Variants in RBMS2 observed in about 807,000 individuals in gnomAD.
RBMS2 encodes the protein RNA-binding motif, single-stranded-interacting protein 2.
RBMS2 carries 38 observed loss-of-function variants against 58.4 expected under a neutral mutation model. The observed-to-expected ratio is 0.65, with a 90% CI of 0.50 to 0.85. The LOEUF (loss-of-function observed/expected upper bound fraction) is 0.85. Ranked by LOEUF, RBMS2 falls within the 40% of genes least tolerant of loss-of-function variation. The probability of loss-of-function intolerance (pLI) is 0.00; values close to 1 mark genes in which losing one functional copy is unlikely to be tolerated. For missense variants in RBMS2, 367 were observed against 503.7 expected, an observed-to-expected ratio of 0.73 and a Z score of 2.60; for synonymous variants, 151 against 180.7, an observed-to-expected ratio of 0.84 and a Z score of 1.32.
chr12:56,552,922 CTTTTTTTTT>C (rs57408592), intron 1 of RBMS2, among the ~76,000 whole-genome samples: 1 of 61,978 alleles, frequency 1.6e-5, no homozygotes, highest in African/African-American at 5.9e-5. Flanking sequence ...ATTAAGAGTC[CTTTTTTTTT>C]TTTTTTTTTT....
intron 10 of RBMS2, 81 bp downstream of exon 10, chr12:56,587,007 T>C: frequency 7.1e-7 from 1 of 1,405,158 alleles, no homozygotes; most frequent in East Asian, 2.3e-5. Context: ...GGCTCACGCC[T>C]GTAATCCCAG....
chr12:56,545,595 C>A (rs979850353), intron 1 of RBMS2, among the ~76,000 whole-genome samples: 2 of 152,176 alleles, frequency 1.3e-5, no homozygotes, highest in Non-Finnish European at 2.9e-5. Context: ...TGCTCCTCTC[C>A]CATTGCCCTA....
intron 1 of RBMS2, 104 bp downstream of exon 1, chr12:56,522,193 T>C: frequency 1.1e-6 from 1 of 883,958 alleles, no homozygotes; most frequent in Non-Finnish European, 1.7e-6. Context: ...GGGCTTCCTC[T>C]CTCAAGATTC....
Position 56,595,026 on chromosome 12 carries a change from C to T in RBMS2, c.*5893C>T, listed in dbSNP as rs2136650064. On this transcript the variant is annotated 3_prime_UTR_variant, in exon 14 of 14. Transcript: ENST00000262031. ...ACTGATCGCCCTAGAATAGTGTGAA[C>T]TCTCCAGATAGGTCCTGCTGTGATA... 6.6e-6 allele frequency: 1 copy of T among 152,340 alleles called. No homozygotes were observed. Among genetic ancestry groups the T allele is most frequent in the African/African-American group, 2.4e-5 (1 of 41,568 alleles). 9.4% of individuals were successfully genotyped at this position (152,340 alleles called of 1,614,324 possible). A position where few individuals can be genotyped will look rare whatever the true frequency, so the allele number is the denominator to read the frequency against.
chr12:56,588,518 G>A, intron 12 of RBMS2, 144 bp downstream of exon 12: 1 of 754,918 alleles, frequency 1.3e-6, no homozygotes, highest in Non-Finnish European at 2.2e-6. Context: ...TAGGAAGGAT[G>A]TGCTCGCTTC....
intron 1 of RBMS2, among the ~76,000 whole-genome samples, chr12:56,547,361 AC>A (rs756247862): frequency 3.3e-5 from 5 of 150,724 alleles, no homozygotes; most frequent in African/African-American, 4.9e-5. Flanking sequence ...ATCTGAAAAA[AC>A]AAAAATGAAA....
At position 56,590,569 on chromosome 12, in the gene RBMS2, G is replaced by A. The variant is rs1221168132; in HGVS notation, c.*1436G>A. On this transcript the variant is annotated 3_prime_UTR_variant, in exon 14 of 14. Coordinates refer to ENST00000262031, the MANE Select transcript of RBMS2 (RefSeq NM_002898.4). ...GTGTTGTCCCTGCCTCCTGGGTTAG[G>A]GTAAATTTTCACCCCAACCCTGGAC... The A allele has an allele frequency of 6.6e-6, 1 of 152,132 alleles. No individual in the cohort carries two copies. Among genetic ancestry groups the A allele is most frequent in the Admixed American group, 6.6e-5 (1 of 15,262 alleles). The allele number at this position is 152,132 out of a possible 1,614,324, so 9.4% of individuals were successfully genotyped here. A position where few individuals can be genotyped will look rare whatever the true frequency, so the allele number is the denominator to read the frequency against.
chr12:56,589,042 AGGGAGGG>A, intron 13 of RBMS2, 24 bp downstream of exon 13: 2 of 1,613,764 alleles, frequency 1.2e-6, no homozygotes, highest in Admixed American at 3.3e-5. Context: ...GCTGGGGGGC[AGGGAGGG>A]CTGCACTGGC....
At chr12:56,534,105 A>G (rs1874305815) in intron 1 of RBMS2, among the ~76,000 whole-genome samples, 1 of 152,132 alleles carries the variant, frequency 6.6e-6, no homozygotes, top group Admixed American at 6.6e-5. Context: ...ATTGCAGCAC[A>G]TAGTCTTCTG....
intron 9 of RBMS2, among the ~76,000 whole-genome samples, chr12:56,585,721 A>T (rs1031530453): frequency 3.3e-5 from 5 of 152,186 alleles, no homozygotes; most frequent in Admixed American, 1.3e-4. Flanking sequence ...GTGTGGACAT[A>T]TGTTTTCATT....
intron 1 of RBMS2, among the ~76,000 whole-genome samples, chr12:56,561,157 G>A (rs1034570189): frequency 6.6e-6 from 1 of 152,076 alleles, no homozygotes; most frequent in African/African-American, 2.4e-5. Context: ...TCTTTATTCA[G>A]TCTACCATTG....
Position 56,592,127 on chromosome 12 carries a change from C to G in RBMS2, c.*2994C>G, listed in dbSNP as rs537569429. On this transcript the variant is annotated 3_prime_UTR_variant, in exon 14 of 14. Coordinates refer to ENST00000262031, the MANE Select transcript of RBMS2 (RefSeq NM_002898.4). ...GATGGCAGAAGGAAACATAGGGGAGCCTTCCAGCTCACAGCCAAGGGTTGG... is the reference window on the plus strand; with the variant it reads ...GATGGCAGAAGGAAACATAGGGGAGGCTTCCAGCTCACAGCCAAGGGTTGG... 1 of 152,140 alleles carries G rather than the reference C, an allele frequency of 6.6e-6. No homozygotes were observed. The highest frequency in any genetic ancestry group is 1.5e-5 in the Non-Finnish European group (1 of 68,020). The allele number at this position is 152,140 out of a possible 1,614,324, so 9.4% of individuals were successfully genotyped here.
At chr12:56,546,211 G>A (rs1291282185) in intron 1 of RBMS2, among the ~76,000 whole-genome samples, 11 of 150,392 alleles carry the variant, frequency 7.3e-5, no homozygotes, top group Non-Finnish European at 1.5e-4. Context: ...TCCACCTCCC[G>A]GGTTCACGCC....
intron 1 of RBMS2, among the ~76,000 whole-genome samples, chr12:56,522,756 A>G (rs1871957257): frequency 6.6e-6 from 1 of 152,154 alleles, no homozygotes; most frequent in Admixed American, 6.6e-5. Context: ...AGGAGTCTTT[A>G]TGATTAACCC....
At chr12:56,554,176 A>G (rs1317824242) in intron 1 of RBMS2, among the ~76,000 whole-genome samples, 2 of 152,250 alleles carry the variant, frequency 1.3e-5, no homozygotes, top group Middle Eastern at 3.4e-3. Context: ...CTTTGCAGAT[A>G]TAGATAATTC....
chr12:56,580,329 T>A (rs1357373937), intron 5 of RBMS2: 1 of 406,628 alleles, frequency 2.5e-6, no homozygotes, highest in Admixed American at 2.9e-5. Context: ...GCCTCCCAGG[T>A]TCAAGCGATT....
chr12:56,547,730 C>A (rs1877515099), intron 1 of RBMS2, among the ~76,000 whole-genome samples: 1 of 150,436 alleles, frequency 6.6e-6, no homozygotes, highest in South Asian at 2.1e-4. Context: ...CTCACTGCAA[C>A]CTCTGCCTCC....
At chr12:56,578,385 T>C (rs1883453132) in intron 5 of RBMS2, among the ~76,000 whole-genome samples, 1 of 152,170 alleles carries the variant, frequency 6.6e-6, no homozygotes, top group Admixed American at 6.6e-5. Context: ...CAACTCGGTT[T>C]CCCAAAGTGC....
intron 1 of RBMS2, among the ~76,000 whole-genome samples, chr12:56,554,806 G>A (rs1878934513): frequency 6.6e-6 from 1 of 152,038 alleles, no homozygotes; most frequent in Non-Finnish European, 1.5e-5. Flanking sequence ...AAACAGCTTA[G>A]TTTTTTCATG....
Sources: allele counts gnomAD v4.1 joint callset (sites outside exome capture counted in the v4.1 genomes callset), GRCh38; gene constraint gnomAD v4.1.1; transcripts MANE v1.5; gene names NCBI Gene and HGNC (gene_info 2026-07-23, HGNC 2026-07-21).